The following CCDC6 variants were observed in gnomAD, a reference collection of about 807,000 sequenced individuals.
CCDC6 encodes the protein coiled-coil domain-containing protein 6.
A neutral mutation model predicts 56.6 loss-of-function variants in CCDC6; 20 were observed. The observed-to-expected ratio is 0.35, with a 90% CI of 0.25 to 0.51. The LOEUF is 0.51. Ranked by LOEUF, CCDC6 falls within the 20% of genes least tolerant of loss-of-function variation. The pLI, the probability that CCDC6 is intolerant of heterozygous loss-of-function variation, is 0.95. For synonymous variants in CCDC6, 241 were observed against 234.4 expected, an observed-to-expected ratio of 1.03 and a Z score of -0.26; for missense variants, 367 against 601.1, an observed-to-expected ratio of 0.61 and a Z score of 4.07.
At chr10:59,807,982 A>G (rs562689217) in intron 5 of CCDC6, among the ~76,000 whole-genome samples, 1 of 152,332 alleles carries the variant, frequency 6.6e-6, no homozygotes, top group South Asian at 2.1e-4. Flanking sequence ...CTTCAGATTA[A>G]TATTTCCAAG....
At chr10:59,862,578 CACACACAT>C (rs1473760954) in intron 1 of CCDC6, among the ~76,000 whole-genome samples, 37 of 146,828 alleles carry the variant, frequency 2.5e-4, no homozygotes, top group African/African-American at 8.9e-4. Context: ...CATACACACA[CACACACAT>C]ATATAAAACC....
At chr10:59,877,605 G>A (rs2071295236) in intron 1 of CCDC6, among the ~76,000 whole-genome samples, 1 of 152,174 alleles carries the variant, frequency 6.6e-6, no homozygotes, top group Non-Finnish European at 1.5e-5. Context: ...AATGTTTGTG[G>A]AGCAAGAGAG....
At chr10:59,881,386 G>A (rs2071333745) in intron 1 of CCDC6, among the ~76,000 whole-genome samples, 4 of 152,030 alleles carry the variant, frequency 2.6e-5, no homozygotes, top group Non-Finnish European at 5.9e-5. Flanking sequence ...AAACTGTTGG[G>A]GCTTCACATG....
At chr10:59,848,110 C>T (rs2071009001) in intron 2 of CCDC6, among the ~76,000 whole-genome samples, 1 of 152,124 alleles carries the variant, frequency 6.6e-6, no homozygotes, top group African/African-American at 2.4e-5. Context: ...TAGAATAGAT[C>T]CTGCCCAGGG....
In CCDC6 at chr10:59,789,354, G is replaced by A. The variant is rs1288590158; in HGVS notation, c.*3563C>T. The A allele has an allele frequency of 4.3e-6, 1 of 230,410 alleles. No homozygotes were observed. The highest frequency in any genetic ancestry group is 8.6e-6 in the Non-Finnish European group (1 of 116,498). 14.3% of individuals were successfully genotyped at this position (230,410 alleles called of 1,614,324 possible). On this transcript the variant is annotated 3_prime_UTR_variant, in exon 9 of 9. Coordinates refer to ENST00000263102, the MANE Select transcript of CCDC6 (RefSeq NM_005436.5). ...CCTCATGAGAGGCAACCTGGGCTTGGCAGTTAATCAGAACTGCTGAGCATT... is the reference window on the plus strand; with the variant it reads ...CCTCATGAGAGGCAACCTGGGCTTGACAGTTAATCAGAACTGCTGAGCATT...
At chr10:59,814,139 C>T (rs1390919540) in intron 4 of CCDC6, among the ~76,000 whole-genome samples, 1 of 152,196 alleles carries the variant, frequency 6.6e-6, no homozygotes, top group Non-Finnish European at 1.5e-5. Flanking sequence ...TGACATTCCA[C>T]TTCCAAGTAC....
chr10:59,814,872 A>C, intron 3 of CCDC6, 117 bp from the exon 4 acceptor site: 1 of 652,892 alleles, frequency 1.5e-6, no homozygotes, highest in Non-Finnish European at 2.7e-6. Flanking sequence ...CATGTGGCCA[A>C]TTTTCTGGCA....
Position 59,852,708 on chromosome 10 carries a change from T to TAAAA in CCDC6, c.304-10_304-7dup. 7.9e-7 allele frequency: 1 copy of TAAAA among 1,258,732 alleles called. No individual in the cohort carries two copies. The highest frequency in any genetic ancestry group is 1.6e-5 in the South Asian group (1 of 64,126). The allele number at this position is 1,258,732 out of a possible 1,614,324, so 78.0% of individuals were successfully genotyped here. A position where few individuals can be genotyped will look rare whatever the true frequency, so the allele number is the denominator to read the frequency against. ...TCCTGCTCAGCCCTGGCTTGCTGTT[T>TAAAA]AAAAAAAAAAAAGGAAAGAACAAAA... On this transcript the variant is annotated splice_polypyrimidine_tract_variant and splice_region_variant and intron_variant, in intron 1 of 8. Coordinates refer to ENST00000263102, the MANE Select transcript of CCDC6 (RefSeq NM_005436.5).
intron 1 of CCDC6, among the ~76,000 whole-genome samples, chr10:59,877,201 C>T (rs1382057328): frequency 1.3e-5 from 2 of 152,180 alleles, no homozygotes; most frequent in East Asian, 1.9e-4. Context: ...TGCTCATTCA[C>T]GATGGCAAAA....
chr10:59,818,498 G>C (rs544100540), intron 3 of CCDC6, among the ~76,000 whole-genome samples: 3,764 of 116,534 alleles, frequency 0.032, 254 homozygotes, highest in Non-Finnish European at 0.045. Context: ...ATGTTGACGG[G>C]GGGGGGGGAA....
rs200147980 is a variant in CCDC6 at position 59,822,926 on chromosome 10, C to T, written c.583-8171G>A. 7.2e-5 allele frequency among the ~76,000 whole-genome samples: 11 copies of T among 152,150 alleles called. No homozygotes were observed. The East Asian group carries it at 1.5e-3, about 21-fold the overall frequency. On this transcript the variant is annotated intron_variant, in intron 3 of 8. Coordinates refer to ENST00000263102, the MANE Select transcript of CCDC6 (RefSeq NM_005436.5). ...AAAAAAAAACAACCCCAGACTCAGC[C>T]GGTAGACAGGACTACAGCTGGAGGT...
At chr10:59,829,200 C>T (rs1387847287) in intron 3 of CCDC6, among the ~76,000 whole-genome samples, 1 of 152,210 alleles carries the variant, frequency 6.6e-6, no homozygotes, top group Non-Finnish European at 1.5e-5. Context: ...TTCTGCTTTA[C>T]AGAGAACAGA....
chr10:59,891,583 G>A (rs541198940), intron 1 of CCDC6, among the ~76,000 whole-genome samples: 14 of 152,122 alleles, frequency 9.2e-5, no homozygotes, highest in Non-Finnish European at 1.5e-4. Flanking sequence ...AACCAACCAC[G>A]GAAGGGATGA....
chr10:59,891,366 G>C (rs1228584723), intron 1 of CCDC6, among the ~76,000 whole-genome samples: 2 of 152,138 alleles, frequency 1.3e-5, no homozygotes, highest in Non-Finnish European at 2.9e-5. Flanking sequence ...ATGCTAATCT[G>C]CAACACATAA....
chr10:59,848,827 C>T (rs2071015097), intron 2 of CCDC6, among the ~76,000 whole-genome samples: 12 of 152,170 alleles, frequency 7.9e-5, no homozygotes, highest in Admixed American at 7.2e-4. Context: ...AATTATCCTG[C>T]CTCAGCCTCC....
intron 3 of CCDC6, among the ~76,000 whole-genome samples, chr10:59,818,233 C>T (rs1243348608): frequency 6.6e-6 from 1 of 152,048 alleles, no homozygotes; most frequent in Non-Finnish European, 1.5e-5. Context: ...TGGAAACAGA[C>T]GAGATCAGGA....
Position 59,825,740 on chromosome 10 carries a change from G to A in CCDC6, c.582+6785C>T, listed in dbSNP as rs186966605. Among the ~76,000 whole-genome samples, 7 of 152,296 alleles carry A rather than the reference G, an allele frequency of 4.6e-5. No individual in the cohort carries two copies. In the East Asian group the frequency reaches 1.2e-3, roughly 25 times the overall value. On this transcript the variant is annotated intron_variant, in intron 3 of 8. Coordinates refer to ENST00000263102, the MANE Select transcript of CCDC6 (RefSeq NM_005436.5). ...AATGAATTGCCTTCTAGACAACCAA[G>A]GCAGAAAGGCCATCTTGTATCCTTA...
In CCDC6 at chr10:59,862,588, T is replaced by C. The variant is rs190894527; in HGVS notation, c.304-9886A>G. Among the ~76,000 whole-genome samples, 23 of 112,212 alleles carry C rather than the reference T, an allele frequency of 2.0e-4. 2 individuals carry two copies. The highest frequency in any genetic ancestry group is 5.9e-4 in the Admixed American group (7 of 11,808). The allele number at this position is 112,212 out of a possible 152,430, so 73.6% of individuals were successfully genotyped here. On this transcript the variant is annotated intron_variant, in intron 1 of 8. Coordinates refer to ENST00000263102, the MANE Select transcript of CCDC6 (RefSeq NM_005436.5). ...ATACACATACACACACACACACATA[T>C]ATAAAACCTCTGATGGGAAAATGAC...
At chr10:59,892,995 T>C (rs1415006988) in intron 1 of CCDC6, among the ~76,000 whole-genome samples, 1 of 152,184 alleles carries the variant, frequency 6.6e-6, no homozygotes, top group African/African-American at 2.4e-5. Flanking sequence ...CAGATACTTA[T>C]GCAGACCATT....
Sources: allele counts gnomAD v4.1 joint callset (sites outside exome capture counted in the v4.1 genomes callset), GRCh38; gene constraint gnomAD v4.1.1; transcripts MANE v1.5; gene names NCBI Gene and HGNC (gene_info 2026-07-23, HGNC 2026-07-21).